The following SHROOM3 variants were observed in gnomAD, a reference collection of about 807,000 sequenced individuals.
SHROOM3 encodes shroom family member 3.
A neutral mutation model predicts 138.6 loss-of-function variants in SHROOM3; 47 were observed. The ratio of observed to expected loss-of-function variants is 0.34; its 90% CI spans 0.27 to 0.43. The LOEUF is 0.43. Among genes scored for constraint, SHROOM3 ranks in the 20% least tolerant of loss-of-function variants. SHROOM3 has a pLI of 1.00. For synonymous variants in SHROOM3, 1,062 were observed against 1,063.3 expected (o/e 1.00, Z 0.02); for missense variants, 2,491 against 2,596.5 (o/e 0.96, Z 0.88).
intron 1 of SHROOM3, among the ~76,000 whole-genome samples, chr4:76,549,052 G>A (rs1197062725): frequency 1.3e-5 from 2 of 152,190 alleles, no homozygotes; most frequent in Non-Finnish European, 2.9e-5. Flanking sequence ...ACTGAATCTT[G>A]TTGACAGAGA....
chr4:76,539,936 C>T (rs562010420), intron 1 of SHROOM3, among the ~76,000 whole-genome samples: 26 of 152,348 alleles, frequency 1.7e-4, no homozygotes, highest in African/African-American at 5.8e-4. Context: ...CAACTTCCAT[C>T]TTCCGGGTTC....
intron 9 of SHROOM3, among the ~76,000 whole-genome samples, chr4:76,769,056 A>G (rs1023564813): frequency 8.5e-5 from 13 of 152,164 alleles, no homozygotes; most frequent in African/African-American, 3.1e-4. Flanking sequence ...AAATAGTACA[A>G]AAAGTTGTCA....
intron 9 of SHROOM3, among the ~76,000 whole-genome samples, chr4:76,762,505 A>C (rs1315159257): frequency 6.6e-6 from 1 of 152,180 alleles, no homozygotes; most frequent in South Asian, 2.1e-4. Context: ...CTGTGGGCTT[A>C]TCTGGCTCTT....
At chr4:76,637,320 G>C (rs1190456756) in intron 2 of SHROOM3, among the ~76,000 whole-genome samples, 4 of 152,180 alleles carry the variant, frequency 2.6e-5, no homozygotes, top group Non-Finnish European at 5.9e-5. Context: ...ATAGGCACAG[G>C]CTCTCTGTTT....
chr4:76,779,212 TTCTC>T lies in SHROOM3; in HGVS notation c.*38_*41del. The T allele has an allele frequency of 6.4e-7, 1 of 1,569,288 alleles. No homozygotes were observed. The highest frequency in any genetic ancestry group is 8.6e-7 in the Non-Finnish European group (1 of 1,158,264). On this transcript the variant is annotated 3_prime_UTR_variant, in exon 11 of 11. Transcript: ENST00000296043. Reference sequence around the variant, plus strand: ...AAATACCCAACCAAAAGATCACTGTTTCTCTCAACACTATTTAATCTGAAAAATG... The same window carrying T: ...AAATACCCAACCAAAAGATCACTGTTTCAACACTATTTAATCTGAAAAATG...
chr4:76,713,900 T>G (rs914677941), intron 3 of SHROOM3, among the ~76,000 whole-genome samples: 8 of 152,224 alleles, frequency 5.3e-5, no homozygotes, highest in Admixed American at 1.3e-4. Flanking sequence ...CTAATTTTCC[T>G]GTCCCCCAAG....
At chr4:76,765,386 T>C (rs1722120850) in intron 9 of SHROOM3, among the ~76,000 whole-genome samples, 1 of 151,196 alleles carries the variant, frequency 6.6e-6, no homozygotes, top group African/African-American at 2.4e-5. Flanking sequence ...AGTGTGGTAA[T>C]GCGTGCCTGT....
chr4:76,595,670 C>A (rs952664293), intron 2 of SHROOM3, among the ~76,000 whole-genome samples: 1 of 152,136 alleles, frequency 6.6e-6, no homozygotes, highest in African/African-American at 2.4e-5. Context: ...GGCAGGGAGT[C>A]AGATTACCAA....
chr4:76,579,549 C>G (rs1163444010), intron 2 of SHROOM3, among the ~76,000 whole-genome samples: 1 of 152,210 alleles, frequency 6.6e-6, no homozygotes, highest in Non-Finnish European at 1.5e-5. Context: ...CATTAAAAAT[C>G]TGGAAGTTTT....
chr4:76,467,446 CA>C (rs1731272093), intron 1 of SHROOM3, among the ~76,000 whole-genome samples: 1 of 152,068 alleles, frequency 6.6e-6, no homozygotes, highest in South Asian at 2.1e-4. Flanking sequence ...GATTCAAACC[CA>C]GTCCTGTCTG....
chr4:76,673,669 A>T (rs1245342906), intron 2 of SHROOM3, among the ~76,000 whole-genome samples: 1 of 152,006 alleles, frequency 6.6e-6, no homozygotes, highest in Non-Finnish European at 1.5e-5. Flanking sequence ...TGTTTTTGTT[A>T]AAAAAAATTT....
intron 2 of SHROOM3, among the ~76,000 whole-genome samples, chr4:76,619,102 C>A (rs1055066137): frequency 1.3e-5 from 2 of 152,180 alleles, no homozygotes; most frequent in Non-Finnish European, 2.9e-5. Context: ...CCTGCCTTAG[C>A]CTCTCAAAGT....
chr4:76,676,921 C>T (rs770226514), intron 2 of SHROOM3, among the ~76,000 whole-genome samples: 2 of 123,988 alleles, frequency 1.6e-5, no homozygotes, highest in Non-Finnish European at 3.1e-5. Flanking sequence ...CCAGCCTGGG[C>T]GACAGAGCGA....
At chr4:76,443,217 G>C (rs1730733819) in intron 1 of SHROOM3, among the ~76,000 whole-genome samples, 1 of 152,148 alleles carries the variant, frequency 6.6e-6, no homozygotes, top group Admixed American at 6.5e-5. Flanking sequence ...TATCAATGTT[G>C]TTGGAAATAA....
chr4:76,770,443 C>G (rs1443811338), intron 9 of SHROOM3, among the ~76,000 whole-genome samples, 183 bp from the exon 10 acceptor site: 1 of 136,214 alleles, frequency 7.3e-6, no homozygotes, highest in East Asian at 2.2e-4. Flanking sequence ...TAGAGAAAGG[C>G]AATGGTAGAC....
chr4:76,775,898 T>C (rs1230602874), intron 10 of SHROOM3, among the ~76,000 whole-genome samples: 1 of 151,764 alleles, frequency 6.6e-6, no homozygotes, highest in Non-Finnish European at 1.5e-5. Context: ...TTTGGGCTGG[T>C]TCCCTTTTTT....
intron 2 of SHROOM3, among the ~76,000 whole-genome samples, chr4:76,579,021 A>T (rs575370848): frequency 1.5e-3 from 226 of 151,134 alleles, no homozygotes; most frequent in South Asian, 2.7e-3. Flanking sequence ...TAAAAAATTT[A>T]AAAAAAAAAT....
chr4:76,493,512 T>C (rs72659704), intron 1 of SHROOM3, among the ~76,000 whole-genome samples: 5,474 of 152,184 alleles, frequency 0.036, 110 homozygotes, highest in Middle Eastern at 0.071. Context: ...TTGATAGATA[T>C]GGTGTCCTGG....
At chr4:76,724,958 T>G (rs1010342369) in intron 3 of SHROOM3, among the ~76,000 whole-genome samples, 1 of 152,220 alleles carries the variant, frequency 6.6e-6, no homozygotes, top group Non-Finnish European at 1.5e-5. Context: ...TGGTCATCCT[T>G]TTCAATTCTT....
Sources: gnomAD v4.1 joint callset for allele counts (sites outside exome capture counted in the v4.1 genomes callset) on GRCh38, gnomAD v4.1.1 for gene constraint, MANE v1.5 for transcripts, NCBI Gene and HGNC (gene_info 2026-07-23, HGNC 2026-07-21) for gene names.